The following ABI3BP variants were observed in gnomAD, a reference collection of about 807,000 sequenced individuals.
ABI3BP encodes target of Nesh-SH3.
ABI3BP carries 216 observed loss-of-function variants against 268.6 expected under a neutral mutation model. The ratio of observed to expected loss-of-function variants is 0.80; its 90% CI spans 0.72 to 0.90. ABI3BP has a LOEUF of 0.90. ABI3BP is among the 40% of genes least tolerant of loss of function. ABI3BP has a pLI of 0.00. For synonymous variants in ABI3BP, 730 were observed against 730.0 expected, an observed-to-expected ratio of 1.00 and a Z score of 0.00; for missense variants, 2,090 against 2,182.4, an observed-to-expected ratio of 0.96 and a Z score of 0.84.
rs754852193 is a variant in ABI3BP, at chr3:100,804,810, C to A, written c.3739G>T (p.Val1247Leu). Reference protein sequence around the residue: ...AKPKTSPSPEVSYTTPAPKDV... With the variant: ...AKPKTSPSPELSYTTPAPKDV... Reference sequence around the variant, plus strand: ...CATTTACCAGGTGTGGTGTATGACACTTCTGGACTTGGTGACGTTTTTGGT... The same window carrying A: ...CATTTACCAGGTGTGGTGTATGACAATTCTGGACTTGGTGACGTTTTTGGT... Residue 1247 changes from valine (V) to leucine (L), a missense_variant, in exon 51 of 68, where the codon GTG (valine) becomes TTG (leucine). Val to Leu is a conservative substitution (Grantham distance 32). Coordinates refer to ENST00000471714, the MANE Select transcript of ABI3BP (RefSeq NM_001375547.2). 75 of 1,612,956 alleles carry A rather than the reference C, an allele frequency of 4.6e-5. No individual in the cohort carries two copies. The highest frequency in any genetic ancestry group is 6.2e-5 in the Non-Finnish European group (73 of 1,179,222).
Position 100,787,779 on chromosome 3 carries a change from G to A in ABI3BP, c.4111C>T (p.Pro1371Ser). 2 of 1,531,282 alleles carry A rather than the reference G, an allele frequency of 1.3e-6. No individual in the cohort carries two copies. The highest frequency in any genetic ancestry group is 1.7e-6 in the Non-Finnish European group (2 of 1,144,418). The allele number at this position is 1,531,282 out of a possible 1,614,324, so 94.9% of individuals were successfully genotyped here. The change falls in exon 57 of 68, where the codon CCT becomes TCT. Residue 1371 changes from proline to serine, a missense_variant. Pro to Ser is a moderately conservative substitution (Grantham distance 74). Transcript: ENST00000471714. The stretch of plus-strand genomic sequence containing the variant: ...ATCCCACTGGGTTTGGGCCTAGTAG[G>A]TCTTGTAGTTGTCCTATTCAGAACT... ...RPVLNRTTTR[P>S]TRPKPSGMPS...
At chr3:100,787,895 G>A (rs1443247054) in intron 56 of ABI3BP, 93 bp from the exon 57 acceptor site, 2 of 894,412 alleles carry the variant, frequency 2.2e-6, no homozygotes, top group Non-Finnish European at 3.2e-6. Flanking sequence ...AAGTCATTTA[G>A]GCAATAAAAA....
At position 100,898,824 on chromosome 3, in the gene ABI3BP, G is replaced by T. The variant is rs34999788; in HGVS notation, c.399C>A (p.Ser133=). Residue 133 remains serine, a synonymous_variant, in exon 4 of 68, where the codon TCC becomes TCA. Coordinates refer to ENST00000471714, the MANE Select transcript of ABI3BP (RefSeq NM_001375547.2). ...GTLTPSSVFL[S]WGFLINPHHD... Reference sequence around the variant, plus strand: ...GGTGTGGGTTGATGAGGAAACCCCAGGACAGGAAGACCGAGCTCGGTGTCA... The same window carrying T: ...GGTGTGGGTTGATGAGGAAACCCCATGACAGGAAGACCGAGCTCGGTGTCA... 0.13 allele frequency: 217,079 copies of T among 1,613,616 alleles called. 16,538 individuals carry two copies. The highest frequency in any genetic ancestry group is 0.16 in the Non-Finnish European group (183,144 of 1,179,684).
intron 1 of ABI3BP, chr3:100,952,637 C>A (rs552233309): frequency 6.6e-6 from 1 of 151,972 alleles, no homozygotes. Flanking sequence ...GTGCAGGCTT[C>A]GGCAGCACAT....
intron 1 of ABI3BP, among the ~76,000 whole-genome samples, chr3:100,942,704 T>A (rs2070011177): frequency 1.3e-5 from 2 of 152,078 alleles, no homozygotes; most frequent in African/African-American, 2.4e-5. Context: ...GTCTCCAGAT[T>A]AGACAATCAA....
At chr3:100,753,467 A>T (rs9849107) in intron 65 of ABI3BP, among the ~76,000 whole-genome samples, 55,286 of 151,646 alleles carry the variant, frequency 0.36, 10,376 homozygotes, top group South Asian at 0.5. Flanking sequence ...TTATTTTTAA[A>T]TTTTTTGTAG....
chr3:100,862,948 G>GA (rs2099013823), intron 12 of ABI3BP, 39 bp from the exon 13 acceptor site: 1 of 1,404,600 alleles, frequency 7.1e-7, no homozygotes, highest in African/African-American at 1.4e-5. Context: ...GACCTGAGGT[G>GA]AAAGTAACAG....
intron 4 of ABI3BP, 44 bp from the exon 5 acceptor site, chr3:100,886,367 T>A (rs2041978485): frequency 2.3e-6 from 3 of 1,303,140 alleles, no homozygotes; most frequent in Non-Finnish European, 2.0e-6. Flanking sequence ...CACAGAGGGA[T>A]TCAGAATGTT....
chr3:100,902,819 T>G (rs2051100800), intron 2 of ABI3BP, 133 bp from the exon 3 acceptor site: 2 of 657,040 alleles, frequency 3.0e-6, no homozygotes, highest in African/African-American at 3.6e-5. Flanking sequence ...GAGGACCCAA[T>G]AATCCGAAAA....
intron 2 of ABI3BP, among the ~76,000 whole-genome samples, chr3:100,913,774 A>T (rs2057611776): frequency 6.6e-6 from 1 of 152,242 alleles, no homozygotes. Flanking sequence ...ATTATGGAGC[A>T]TCACAAAGTA....
At position 100,886,154 on chromosome 3, in the gene ABI3BP, T is replaced by C. The variant is rs776801439; in HGVS notation, c.631A>G (p.Thr211Ala). The C allele has an allele frequency of 4.4e-6, 7 of 1,596,394 alleles. No individual in the cohort carries two copies. Among genetic ancestry groups the C allele is most frequent in the Non-Finnish European group, 8.5e-7 (1 of 1,172,470 alleles). Residue 211 changes from threonine (T) to alanine (A), a missense_variant, in exon 5 of 68, where the codon ACT becomes GCT. Coordinates refer to ENST00000471714, the MANE Select transcript of ABI3BP (RefSeq NM_001375547.2). ...TCTAGGTACTTACTTCCAACAACAG[T>C]CTTGTGATTGAAAATCTTACTCCAA... The part of the protein sequence containing the change: ...GIWSKIFNHK[T>A]VVGSKKVNGK...
chr3:100,949,471 G>T (rs1451635504), intron 1 of ABI3BP, among the ~76,000 whole-genome samples: 2 of 152,126 alleles, frequency 1.3e-5, no homozygotes, highest in Non-Finnish European at 2.9e-5. Context: ...TCGCCACGTT[G>T]ATCAGGCTGG....
At position 100,811,765 on chromosome 3, in the gene ABI3BP, G is replaced by T; in HGVS notation, c.3456C>A (p.Ala1152=). Residue 1152 remains alanine (A), a synonymous_variant, in exon 47 of 68, where the codon GCC becomes GCA. Coordinates refer to ENST00000471714, the MANE Select transcript of ABI3BP (RefSeq NM_001375547.2). ...PAKTDYVYPT[A]KAPLWPEEPK... is the part of the protein sequence containing the mutation. ...GCTCCTCTGGCCAGAGTGGTGCTTT[G>T]GCAGTGGGATATACATAGTCTGTTT... 1 of 1,535,528 alleles carries T rather than the reference G, an allele frequency of 6.5e-7. No homozygotes were observed. The highest frequency in any genetic ancestry group is 8.7e-7 in the Non-Finnish European group (1 of 1,146,500).
Position 100,850,137 on chromosome 3 carries a change from C to A in ABI3BP, c.1427-18G>T. Reference sequence around the variant, plus strand: ...ACTTGGAGCTGAAAGCACAAACACCCCAACCCATCAAATAATCCCAGTTAA... The same window carrying A: ...ACTTGGAGCTGAAAGCACAAACACCACAACCCATCAAATAATCCCAGTTAA... On this transcript the variant is annotated intron_variant, in intron 16 of 67. Transcript: ENST00000471714. 6.3e-7 allele frequency: 1 copy of A among 1,597,236 alleles called. No individual in the cohort carries two copies.
At chr3:100,926,881 C>T (rs897425211) in intron 1 of ABI3BP, among the ~76,000 whole-genome samples, 1 of 152,080 alleles carries the variant, frequency 6.6e-6, no homozygotes, top group African/African-American at 2.4e-5. Flanking sequence ...TCCAGTGCCA[C>T]ATCCACAGGT....
Position 100,770,755 on chromosome 3 carries a change from C to A in ABI3BP, c.4729G>T (p.Asp1577Tyr). Residue 1577 changes from aspartate (D) to tyrosine (Y), a missense_variant, in exon 62 of 68, where the codon GAC (aspartate) becomes TAC (tyrosine). Asp to Tyr is a radical substitution (Grantham distance 160). Transcript: ENST00000471714. ...VILDWEKPLN[D>Y]TVTEYEVISR... ...GCCATGATCTTACCAGTGACAGTGT[C>A]ATTTAGTGGCTTTTCCCAGTCCAAG... The A allele has an allele frequency of 1.3e-6, 2 of 1,506,940 alleles. No homozygotes were observed. Among genetic ancestry groups the A allele is most frequent in the South Asian group, 1.4e-5 (1 of 70,832 alleles). 93.3% of individuals were successfully genotyped at this position (1,506,940 alleles called of 1,614,324 possible).
intron 2 of ABI3BP, among the ~76,000 whole-genome samples, chr3:100,915,026 C>A (rs1478115584): frequency 6.6e-6 from 1 of 152,122 alleles, no homozygotes; most frequent in Non-Finnish European, 1.5e-5. Flanking sequence ...AAAAGAGTGC[C>A]ATTGAAGGCA....
At chr3:100,942,753 T>C (rs1256159126) in intron 1 of ABI3BP, among the ~76,000 whole-genome samples, 5 of 152,106 alleles carry the variant, frequency 3.3e-5, no homozygotes, top group Non-Finnish European at 7.4e-5. Context: ...CCCAGACCTA[T>C]TGAATTAGAA....
chr3:100,874,421 C>T (rs1298510330), intron 9 of ABI3BP, among the ~76,000 whole-genome samples: 1 of 152,108 alleles, frequency 6.6e-6, no homozygotes, highest in Non-Finnish European at 1.5e-5. Flanking sequence ...ACACTGAACA[C>T]ATAACCAGTT....
Sources: gnomAD v4.1 joint callset for allele counts (sites outside exome capture counted in the v4.1 genomes callset) on GRCh38, gnomAD v4.1.1 for gene constraint, MANE v1.5 for transcripts, NCBI Gene and HGNC (gene_info 2026-07-23, HGNC 2026-07-21) for gene names.